Variants in DNAH11 observed in about 807,000 individuals in gnomAD.
DNAH11 encodes the protein axonemal beta dynein heavy chain 11.
In DNAH11, 442 loss-of-function variants were observed where a neutral mutation model predicts 526.0. The observed-to-expected ratio is 0.84, with a 90% CI of 0.78 to 0.91. DNAH11 has a LOEUF of 0.91. DNAH11 is among the 40% of genes least tolerant of loss of function. DNAH11 has a pLI of 0.00. For missense variants in DNAH11, 6,989 were observed against 5,448.7 expected (o/e 1.28, Z -8.90); for synonymous variants, 2,461 against 1,935.9 (o/e 1.27, Z -7.12).
At chr7:21,619,730 C>A (rs939155637) in intron 24 of DNAH11, among the ~76,000 whole-genome samples, 1 of 152,134 alleles carries the variant, frequency 6.6e-6, no homozygotes, top group Non-Finnish European at 1.5e-5. Context: ...GATAAACTCA[C>A]ATTCAGTAGA....
intron 32 of DNAH11, among the ~76,000 whole-genome samples, chr7:21,685,298 G>A (rs991293646): frequency 4.6e-5 from 7 of 152,182 alleles, no homozygotes; most frequent in African/African-American, 1.4e-4. Flanking sequence ...AGAGAAGGAG[G>A]AAAGGGAGGC....
chr7:21,789,396 A>G, intron 61 of DNAH11, 54 bp downstream of exon 61: 1 of 1,245,140 alleles, frequency 8.0e-7, no homozygotes, highest in Non-Finnish European at 1.1e-6. Context: ...CGCTGCCTCC[A>G]CCTTAGGATT....
chr7:21,681,845 T>C, intron 31 of DNAH11, 168 bp downstream of exon 31: 1 of 878,474 alleles, frequency 1.1e-6, no homozygotes, highest in Non-Finnish European at 1.9e-6. Flanking sequence ...TTAGCCAATA[T>C]ATTATTCTGA....
intron 30 of DNAH11, among the ~76,000 whole-genome samples, chr7:21,671,614 C>A (rs1201358613): frequency 1.3e-5 from 2 of 151,836 alleles, no homozygotes; most frequent in Non-Finnish European, 2.9e-5. Context: ...TAATCTTTGA[C>A]GTTATTGGTT....
rs768160240 is a variant in DNAH11 at position 21,789,356 on chromosome 7, A to G, written c.10026+14A>G. ...AAAAAGCTTGTGGTGAGTGCAAACT[A>G]TGACATTGAAAAGGTTCCCAAGAGG... On this transcript the variant is annotated intron_variant, in intron 61 of 81. Transcript: ENST00000409508. The G allele has an allele frequency of 9.7e-6, 15 of 1,547,574 alleles. No individual in the cohort carries two copies. The highest frequency in any genetic ancestry group is 3.9e-5 in the Admixed American group (2 of 50,658).
chr7:21,805,486 G>C (rs2127995397), intron 62 of DNAH11, among the ~76,000 whole-genome samples: 1 of 152,162 alleles, frequency 6.6e-6, no homozygotes, highest in Admixed American at 6.5e-5. Flanking sequence ...GGAGCCTTTT[G>C]AAGACTTGCT....
rs757419040 is a variant in DNAH11 at position 21,808,029 on chromosome 7, G to A, written c.10312G>A (p.Val3438Ile). Reference sequence around the variant, plus strand: ...CCAGGAGCTGGTGCACTGCAAGTGGGTTCCCTTTCTTCAACAGAAGGTAAG... The same window carrying A: ...CCAGGAGCTGGTGCACTGCAAGTGGATTCCCTTTCTTCAACAGAAGGTAAG... The part of the protein sequence containing the change: ...YRQELVHCKW[V>I]PFLQQKVSIP... Residue 3438 changes from valine (V) to isoleucine (I), a missense_variant, in exon 63 of 82, where the codon GTT becomes ATT. By Grantham distance (29) the Val-to-Ile change is conservative (BLOSUM62 3). Coordinates refer to ENST00000409508, the MANE Select transcript of DNAH11 (RefSeq NM_001277115.2). 5 of 1,549,046 alleles carry A rather than the reference G, an allele frequency of 3.2e-6. No individual in the cohort carries two copies. The highest frequency in any genetic ancestry group is 2.7e-5 in the African/African-American group (2 of 73,942).
chr7:21,563,274 T>A (rs572613080), intron 5 of DNAH11, among the ~76,000 whole-genome samples: 43 of 152,136 alleles, frequency 2.8e-4, no homozygotes, highest in Non-Finnish European at 5.1e-4. Flanking sequence ...AGTGGTATGA[T>A]CATGGCTCAC....
At chr7:21,741,023 G>A (rs940831710) in intron 48 of DNAH11, among the ~76,000 whole-genome samples, 3 of 152,104 alleles carry the variant, frequency 2.0e-5, no homozygotes, top group South Asian at 2.1e-4. Flanking sequence ...TATCTTCTTC[G>A]GAGAAACGTC....
At chr7:21,829,010 A>C (rs974189313) in intron 65 of DNAH11, among the ~76,000 whole-genome samples, 1 of 152,100 alleles carries the variant, frequency 6.6e-6, no homozygotes, top group Non-Finnish European at 1.5e-5. Context: ...AATGGGTTTG[A>C]CCAACTTGCA....
intron 14 of DNAH11, among the ~76,000 whole-genome samples, chr7:21,597,901 G>T (rs1484605823): frequency 6.6e-6 from 1 of 152,150 alleles, no homozygotes; most frequent in African/African-American, 2.4e-5. Flanking sequence ...ACTTTCCTAG[G>T]GTGTGTACTG....
intron 32 of DNAH11, 50 bp from the exon 33 acceptor site, chr7:21,687,049 A>G (rs777216543): frequency 5.8e-5 from 90 of 1,546,444 alleles, no homozygotes; most frequent in Non-Finnish European, 7.7e-5. Flanking sequence ...CTGATGTTTT[A>G]TGAAAATCTC....
chr7:21,669,783 A>G (rs1273751604), intron 30 of DNAH11, among the ~76,000 whole-genome samples: 1 of 152,028 alleles, frequency 6.6e-6, no homozygotes, highest in Non-Finnish European at 1.5e-5. Context: ...TCTGCAATCC[A>G]TACCTCTTTC....
At chr7:21,634,437 G>A (rs1786762670) in intron 25 of DNAH11, among the ~76,000 whole-genome samples, 1 of 152,182 alleles carries the variant, frequency 6.6e-6, no homozygotes, top group African/African-American at 2.4e-5. Context: ...AGAAGTCAAG[G>A]CATGAGGTTT....
At chr7:21,545,244 A>G in intron 2 of DNAH11, 95 bp downstream of exon 2, 6 of 633,930 alleles carry the variant, frequency 9.5e-6, no homozygotes, top group Non-Finnish European at 1.4e-5. Context: ...AAGAAGAGCT[A>G]GGAGGGGAAG....
At chr7:21,631,422 G>A (rs562770522) in intron 25 of DNAH11, among the ~76,000 whole-genome samples, 1 of 152,156 alleles carries the variant, frequency 6.6e-6, no homozygotes, top group East Asian at 1.9e-4. Context: ...GTCCACAGTT[G>A]TTCAAAGTCT....
chr7:21,758,114 A>G (rs1431676090), intron 54 of DNAH11, among the ~76,000 whole-genome samples: 2 of 152,188 alleles, frequency 1.3e-5, no homozygotes, highest in East Asian at 1.9e-4. Context: ...CACTCTAACA[A>G]CTGGCTTGCC....
chr7:21,744,408 A>G, intron 49 of DNAH11, 30 bp from the exon 50 acceptor site: 1 of 1,605,946 alleles, frequency 6.2e-7, no homozygotes, highest in Admixed American at 1.7e-5. Flanking sequence ...CCTCTGAATT[A>G]AAGGTATTTT....
rs1785922489 is a variant in DNAH11 at position 21,741,999 on chromosome 7, A to G, written c.7987A>G (p.Ser2663Gly). 1.9e-6 allele frequency: 3 copies of G among 1,613,848 alleles called. No homozygotes were observed. The highest frequency in any genetic ancestry group is 1.3e-5 in the African/African-American group (1 of 74,934). Residue 2663 changes from serine (S) to glycine (G), a missense_variant, in exon 49 of 82, where the codon AGC becomes GGC. By Grantham distance (56) the Ser-to-Gly change is moderately conservative. Coordinates refer to ENST00000409508, the MANE Select transcript of DNAH11 (RefSeq NM_001277115.2). ...ALNTIYGQIF[S>G]FHFQQQAFAP... ...AAACACCATCTATGGCCAAATCTTT[A>G]GCTTCCATTTCCAACAGCAAGCATT...
Sources: gnomAD v4.1 joint callset for allele counts (sites outside exome capture counted in the v4.1 genomes callset) on GRCh38, gnomAD v4.1.1 for gene constraint, MANE v1.5 for transcripts, NCBI Gene and HGNC (gene_info 2026-07-23, HGNC 2026-07-21) for gene names.